WDR89: variants seen among roughly 807,000 people sequenced by gnomAD.
WDR89 encodes WD repeat-containing protein 89.
A neutral mutation model predicts 29.1 loss-of-function variants in WDR89; 17 were observed. The ratio of observed to expected loss-of-function variants is 0.58; its 90% CI spans 0.40 to 0.88. WDR89 has a LOEUF of 0.88. Ranked by LOEUF, WDR89 falls within the 40% of genes least tolerant of loss-of-function variation. WDR89 has a pLI of 0.00. For synonymous variants in WDR89, 138 were observed against 157.8 expected, an observed-to-expected ratio of 0.87 and a Z score of 0.94; for missense variants, 396 against 456.3, an observed-to-expected ratio of 0.87 and a Z score of 1.20.
At chr14:63,620,975 T>C (rs1258970419) in intron 2 of WDR89, among the ~76,000 whole-genome samples, 1 of 151,560 alleles carries the variant, frequency 6.6e-6, no homozygotes, top group Non-Finnish European at 1.5e-5. Context: ...AAAAAATGTA[T>C]GTAAGGCAGT....
intron 1 of WDR89, among the ~76,000 whole-genome samples, chr14:63,639,680 T>TA (rs1883973531): frequency 6.6e-6 from 1 of 152,190 alleles, no homozygotes; most frequent in African/African-American, 2.4e-5. Context: ...GAAAATATCT[T>TA]AAACACATGG....
At chr14:63,632,754 A>C (rs1032121499) in intron 1 of WDR89, among the ~76,000 whole-genome samples, 2 of 152,214 alleles carry the variant, frequency 1.3e-5, no homozygotes, top group Non-Finnish European at 2.9e-5. Context: ...ATAATAGAGA[A>C]AAATGAAAAA....
intron 2 of WDR89, among the ~76,000 whole-genome samples, chr14:63,606,939 T>C (rs766833132): frequency 6.6e-6 from 1 of 152,190 alleles, no homozygotes; most frequent in African/African-American, 2.4e-5. Flanking sequence ...TCTGTGTTCA[T>C]TCCAATGTTA....
chr14:63,601,961 T>G (rs1452631172), intron 2 of WDR89: 1 of 411,998 alleles, frequency 2.4e-6, no homozygotes, highest in Admixed American at 3.8e-5. Flanking sequence ...TCTTCTATTG[T>G]GCTTTCTCAT....
intron 1 of WDR89, among the ~76,000 whole-genome samples, chr14:63,641,104 A>G (rs1390012664): frequency 1.3e-5 from 2 of 150,988 alleles, no homozygotes; most frequent in African/African-American, 4.9e-5. Context: ...TCTCAAAAAA[A>G]AAAAAAAAAA....
chr14:63,604,237 C>T (rs1003318195), intron 2 of WDR89, among the ~76,000 whole-genome samples: 4 of 152,166 alleles, frequency 2.6e-5, no homozygotes, highest in African/African-American at 2.4e-5. Flanking sequence ...CCAGCCTGGG[C>T]AACAAGGCTA....
At chr14:63,627,770 T>G (rs1230303823) in intron 1 of WDR89, among the ~76,000 whole-genome samples, 2 of 152,046 alleles carry the variant, frequency 1.3e-5, no homozygotes, top group Non-Finnish European at 2.9e-5. Flanking sequence ...TGAGTATCAC[T>G]GAATTAAATT....
chr14:63,622,301 C>T (rs1440747567), intron 2 of WDR89, among the ~76,000 whole-genome samples: 2 of 152,000 alleles, frequency 1.3e-5, no homozygotes, highest in Admixed American at 1.3e-4. Flanking sequence ...GCCAGGCAGC[C>T]GGGCGTGGTG....
intron 2 of WDR89, among the ~76,000 whole-genome samples, chr14:63,621,424 C>T (rs967329985): frequency 6.6e-6 from 1 of 151,828 alleles, no homozygotes; most frequent in African/African-American, 2.4e-5. Flanking sequence ...ATGGTGAAAC[C>T]CCATCTCTAC....
At chr14:63,619,082 C>G (rs542849363) in intron 2 of WDR89, among the ~76,000 whole-genome samples, 15 of 152,272 alleles carry the variant, frequency 9.9e-5, no homozygotes, top group Non-Finnish European at 2.1e-4. Flanking sequence ...TTCTGCCAAG[C>G]CTTACGCTGT....
At chr14:63,606,465 A>T (rs1895327565) in intron 2 of WDR89, among the ~76,000 whole-genome samples, 2 of 152,228 alleles carry the variant, frequency 1.3e-5, no homozygotes, top group South Asian at 2.1e-4. Context: ...GTTATCATTT[A>T]TACCATAATT....
chr14:63,601,838 T>C, intron 2 of WDR89: 1 of 888,556 alleles, frequency 1.1e-6, no homozygotes, highest in Non-Finnish European at 1.8e-6. Flanking sequence ...TGAAATGGCA[T>C]CAACATGAAG....
At position 63,597,211 on chromosome 14, in the gene WDR89, A is replaced by C. The variant is rs1490176435; in HGVS notation, c.*1568T>G. The C allele has an allele frequency of 1.3e-5, 2 of 152,154 alleles. No homozygotes were observed. Among genetic ancestry groups the C allele is most frequent in the Non-Finnish European group, 2.9e-5 (2 of 68,034 alleles). The allele number at this position is 152,154 out of a possible 1,614,324, so 9.4% of individuals were successfully genotyped here. ...GCAGAGCCCTTTATAAAACCATCAG[A>C]TCTTGTGAGAACTCACCCACTATCA... On this transcript the variant is annotated 3_prime_UTR_variant, in exon 3 of 3. Coordinates refer to ENST00000620954, the MANE Select transcript of WDR89 (RefSeq NM_080666.4).
chr14:63,607,312 A>G (rs905235392), intron 2 of WDR89, among the ~76,000 whole-genome samples: 2 of 151,874 alleles, frequency 1.3e-5, no homozygotes, highest in African/African-American at 2.4e-5. Context: ...ACAGGTGCCC[A>G]CCACCATGCC....
intron 1 of WDR89, among the ~76,000 whole-genome samples, chr14:63,625,311 A>G (rs764997169): frequency 5.9e-5 from 9 of 152,224 alleles, no homozygotes; most frequent in Non-Finnish European, 1.2e-4. Context: ...ATTGATTATT[A>G]AGGGGCACAA....
intron 2 of WDR89, among the ~76,000 whole-genome samples, chr14:63,622,580 C>CA (rs1053857271): frequency 1.3e-5 from 2 of 151,642 alleles, no homozygotes; most frequent in Non-Finnish European, 2.9e-5. Context: ...GACTTCATCT[C>CA]AAAAAAACAA....
At chr14:63,625,544 A>G (rs1446399759) in intron 1 of WDR89, among the ~76,000 whole-genome samples, 1 of 152,206 alleles carries the variant, frequency 6.6e-6, no homozygotes, top group Non-Finnish European at 1.5e-5. Context: ...CAAAACATAA[A>G]AAGTCATAGG....
chr14:63,623,224 T>G (rs1049596666), intron 2 of WDR89, among the ~76,000 whole-genome samples: 10 of 135,174 alleles, frequency 7.4e-5, no homozygotes, highest in African/African-American at 2.0e-4. Context: ...AAAATGCATA[T>G]AGTAAACCCT....
intron 2 of WDR89, among the ~76,000 whole-genome samples, chr14:63,622,055 T>C (rs771487500): frequency 1.3e-5 from 2 of 152,216 alleles, no homozygotes; most frequent in Non-Finnish European, 2.9e-5. Context: ...AAGACATTTT[T>C]TCCTTTTAAA....
Sources: allele counts gnomAD v4.1 joint callset (sites outside exome capture counted in the v4.1 genomes callset), GRCh38; gene constraint gnomAD v4.1.1; transcripts MANE v1.5; gene names NCBI Gene and HGNC (gene_info 2026-07-23, HGNC 2026-07-21).